The following SLC22A16 variants were observed in gnomAD, a reference collection of about 807,000 sequenced individuals.
The protein encoded by SLC22A16 is solute carrier family 22 member 16.
Under a neutral mutation model 52.9 loss-of-function variants are expected in SLC22A16, and 53 were observed. That is an observed-to-expected ratio of 1.00 (90% CI 0.80 to 1.26). SLC22A16 has a LOEUF of 1.26. Among genes scored for constraint, SLC22A16 ranks in the 50% most tolerant of loss-of-function variants. SLC22A16 has a pLI of 0.00. For missense variants in SLC22A16, 726 were observed against 704.0 expected, an observed-to-expected ratio of 1.03 and a Z score of -0.35; for synonymous variants, 291 against 268.8, an observed-to-expected ratio of 1.08 and a Z score of -0.81.
At chr6:110,435,799 G>T in intron 6 of SLC22A16, 53 bp downstream of exon 6, 1 of 1,326,806 alleles carries the variant, frequency 7.5e-7, no homozygotes, top group South Asian at 1.3e-5. Flanking sequence ...ACAATGAAAT[G>T]ACACACAAGT....
At chr6:110,449,254 T>A in intron 2 of SLC22A16, among the ~76,000 whole-genome samples, 1 of 151,896 alleles carries the variant, frequency 6.6e-6, no homozygotes, top group East Asian at 1.9e-4. Context: ...TTGTAAAACA[T>A]CCCTCTCACC....
At chr6:110,461,889 TG>T (rs1467241477) in intron 1 of SLC22A16, among the ~76,000 whole-genome samples, 1 of 152,226 alleles carries the variant, frequency 6.6e-6, no homozygotes, top group African/African-American at 2.4e-5. Flanking sequence ...GCTCTGTATT[TG>T]TCCAATTTCA....
At chr6:110,449,971 T>C (rs2114964333) in intron 2 of SLC22A16, among the ~76,000 whole-genome samples, 1 of 152,352 alleles carries the variant, frequency 6.6e-6, no homozygotes, top group Non-Finnish European at 1.5e-5. Flanking sequence ...TCTCTGAACA[T>C]GCCAGGTTGT....
chr6:110,456,488 A>G, intron 2 of SLC22A16, 50 bp downstream of exon 2: 1 of 1,568,228 alleles, frequency 6.4e-7, no homozygotes, highest in Non-Finnish European at 8.6e-7. Flanking sequence ...AAAACCAGAT[A>G]GGAAAATAAA....
chr6:110,455,705 A>C (rs951448958), intron 2 of SLC22A16: 1 of 152,186 alleles, frequency 6.6e-6, no homozygotes, highest in African/African-American at 2.4e-5. Context: ...TCCAAAATTC[A>C]TGTTGAAACT....
intron 1 of SLC22A16, chr6:110,474,796 G>A (rs1776401337): frequency 6.4e-5 from 26 of 408,228 alleles, no homozygotes; most frequent in South Asian, 4.8e-4. Flanking sequence ...TCCTGCTGTG[G>A]GCAGTTACTG....
chr6:110,471,815 T>C (rs773762826), intron 1 of SLC22A16, among the ~76,000 whole-genome samples: 1 of 152,202 alleles, frequency 6.6e-6, no homozygotes, highest in African/African-American at 2.4e-5. Flanking sequence ...CTTTTCTGCA[T>C]ATATGTAATA....
At chr6:110,464,926 A>C (rs1171846947) in intron 1 of SLC22A16, among the ~76,000 whole-genome samples, 2 of 152,142 alleles carry the variant, frequency 1.3e-5, no homozygotes, top group African/African-American at 4.8e-5. Context: ...CAGCACATCA[A>C]AAAGATAATC....
intron 6 of SLC22A16, among the ~76,000 whole-genome samples, chr6:110,434,603 C>T (rs1393565477): frequency 8.0e-6 from 1 of 124,770 alleles, no homozygotes; most frequent in Admixed American, 1.1e-4. Context: ...GTGGGAATCA[C>T]ATCAGACATT....
chr6:110,447,930 G>A (rs1196246024), intron 2 of SLC22A16, among the ~76,000 whole-genome samples: 1 of 151,966 alleles, frequency 6.6e-6, no homozygotes, highest in Non-Finnish European at 1.5e-5. Context: ...CCTCTTCTTG[G>A]CTATTATGAA....
intron 2 of SLC22A16, among the ~76,000 whole-genome samples, chr6:110,450,611 C>CA (rs35567505): frequency 0.28 from 12,761 of 45,734 alleles, 2,054 homozygotes; most frequent in African/African-American, 0.39. Flanking sequence ...GACATCTTCT[C>CA]AAAAAAAAAA....
At chr6:110,431,447 TA>T (rs1774501210) in intron 6 of SLC22A16, among the ~76,000 whole-genome samples, 177 bp from the exon 7 acceptor site, 1 of 152,246 alleles carries the variant, frequency 6.6e-6, no homozygotes, top group Non-Finnish European at 1.5e-5. Context: ...AGCACATTTT[TA>T]CTCGACTTTT....
At chr6:110,449,753 C>T (rs1047364735) in intron 2 of SLC22A16, among the ~76,000 whole-genome samples, 2 of 152,172 alleles carry the variant, frequency 1.3e-5, no homozygotes, top group Admixed American at 6.5e-5. Flanking sequence ...TTCATCTTTT[C>T]CTCCCTGCTT....
intron 4 of SLC22A16, among the ~76,000 whole-genome samples, chr6:110,439,508 A>G (rs1053761726): frequency 1.3e-5 from 2 of 150,556 alleles, no homozygotes; most frequent in African/African-American, 5.0e-5. Flanking sequence ...AAAAAGAGTA[A>G]ATCTTTTTTT....
intron 2 of SLC22A16, among the ~76,000 whole-genome samples, chr6:110,454,646 T>TA (rs1256089563): frequency 4.2e-5 from 2 of 47,670 alleles, no homozygotes; most frequent in Non-Finnish European, 6.7e-5. Flanking sequence ...ATATTATATA[T>TA]TTTATATATA....
At chr6:110,444,831 G>A (rs1382259766) in intron 3 of SLC22A16, among the ~76,000 whole-genome samples, 1 of 152,134 alleles carries the variant, frequency 6.6e-6, no homozygotes, top group Non-Finnish European at 1.5e-5. Context: ...AGTCGCTTTT[G>A]GTAAGCGCTG....
At chr6:110,430,948 T>A (rs920809081) in intron 7 of SLC22A16, among the ~76,000 whole-genome samples, 1 of 152,154 alleles carries the variant, frequency 6.6e-6, no homozygotes, top group African/African-American at 2.4e-5. Context: ...GGCAGAGTTG[T>A]AATGAACAGC....
chr6:110,472,663 A>G (rs1300584083), intron 1 of SLC22A16, among the ~76,000 whole-genome samples: 1 of 152,142 alleles, frequency 6.6e-6, no homozygotes, highest in African/African-American at 2.4e-5. Context: ...CCATTTCCTT[A>G]GGCGTCTAGC....
Position 110,438,847 on chromosome 6 carries a change from C to T in SLC22A16, c.1184G>A (p.Gly395Asp), listed in dbSNP as rs773335777. 21 of 1,613,742 alleles carry T rather than the reference C, an allele frequency of 1.3e-5. No homozygotes were observed. Among genetic ancestry groups the T allele is most frequent in the Non-Finnish European group, 1.6e-5 (19 of 1,179,854 alleles). Residue 395 changes from glycine (G) to aspartate (D), a missense_variant and splice_region_variant, in exon 5 of 8, where the codon GGT (glycine) becomes GAT (aspartate). Physicochemically the swap from Gly to Asp is moderately conservative, Grantham distance 94. Transcript: ENST00000368919. Reference sequence around the variant, plus strand: ...GGTGTAGGCGGGAATTTCCACTACACCTGTCATTGAGCAAGCAGCCCTCTA... The same window carrying T: ...GGTGTAGGCGGGAATTTCCACTACATCTGTCATTGAGCAAGCAGCCCTCTA... ...GNEYLNLFLL[G>D]VVEIPAYTFV...
Sources: gnomAD v4.1 joint callset for allele counts (sites outside exome capture counted in the v4.1 genomes callset) on GRCh38, gnomAD v4.1.1 for gene constraint, MANE v1.5 for transcripts, NCBI Gene and HGNC (gene_info 2026-07-23, HGNC 2026-07-21) for gene names.